CACNA2D3: variants seen among roughly 807,000 people sequenced by gnomAD.
The protein encoded by CACNA2D3 is calcium voltage-gated channel auxiliary subunit alpha2delta 3.
In CACNA2D3, 60 loss-of-function variants were observed where a neutral mutation model predicts 160.6. That is an observed-to-expected ratio of 0.37 (90% CI 0.30 to 0.46). The LOEUF is 0.46. Among genes scored for constraint, CACNA2D3 ranks in the 20% least tolerant of loss-of-function variants. The probability of loss-of-function intolerance (pLI) is 1.00; values close to 1 mark genes in which losing one functional copy is unlikely to be tolerated. For missense variants in CACNA2D3, 1,205 were observed against 1,365.0 expected (o/e 0.88, Z 1.85); for synonymous variants, 558 against 492.9 (o/e 1.13, Z -1.75).
chr3:54,796,959 C>T (rs894794313), intron 13 of CACNA2D3, among the ~76,000 whole-genome samples: 1 of 152,234 alleles, frequency 6.6e-6, no homozygotes, highest in African/African-American at 2.4e-5. Flanking sequence ...ACCCATTCTT[C>T]TGGAGATGCT....
chr3:54,355,044 C>G (rs1216775054), intron 3 of CACNA2D3, among the ~76,000 whole-genome samples: 4 of 152,204 alleles, frequency 2.6e-5, no homozygotes, highest in Admixed American at 2.6e-4. Flanking sequence ...ACTTTATAGT[C>G]ATGGCATGTG....
At chr3:54,530,201 C>G (rs1701785701) in intron 5 of CACNA2D3, among the ~76,000 whole-genome samples, 1 of 152,194 alleles carries the variant, frequency 6.6e-6, no homozygotes. Context: ...TGGGTCCCAT[C>G]CATGCTACCT....
intron 35 of CACNA2D3, among the ~76,000 whole-genome samples, chr3:55,022,794 G>A (rs559761161): frequency 1.3e-5 from 2 of 150,378 alleles, no homozygotes; most frequent in Middle Eastern, 6.8e-3. Context: ...TTCAATTGGT[G>A]AGGATCTCCT....
intron 29 of CACNA2D3, among the ~76,000 whole-genome samples, chr3:54,975,536 A>AC (rs1483203186): frequency 6.7e-6 from 1 of 149,084 alleles, no homozygotes; most frequent in Non-Finnish European, 1.5e-5. Context: ...AAAAAAAAAA[A>AC]AAAAAAAAAA....
intron 35 of CACNA2D3, among the ~76,000 whole-genome samples, chr3:55,031,688 T>C (rs540489107): frequency 2.6e-5 from 4 of 152,152 alleles, no homozygotes; most frequent in African/African-American, 9.7e-5. Context: ...AATTTCCGTA[T>C]GTTGTTCGTG....
At chr3:54,403,440 A>G (rs752057465) in intron 4 of CACNA2D3, among the ~76,000 whole-genome samples, 1 of 152,114 alleles carries the variant, frequency 6.6e-6, no homozygotes, top group African/African-American at 2.4e-5. Flanking sequence ...GGTAGTGAAG[A>G]CATAACATAC....
At chr3:54,255,604 C>T (rs564788309) in intron 2 of CACNA2D3, among the ~76,000 whole-genome samples, 21 of 152,270 alleles carry the variant, frequency 1.4e-4, no homozygotes, top group African/African-American at 5.1e-4. Flanking sequence ...TCAGCTCAGT[C>T]CTTTGCTTGC....
chr3:54,530,049 A>C (rs1166338346), intron 5 of CACNA2D3, among the ~76,000 whole-genome samples: 2 of 152,176 alleles, frequency 1.3e-5, no homozygotes, highest in African/African-American at 2.4e-5. Flanking sequence ...AGCAGCTTGC[A>C]GGAAAGAGCT....
At chr3:54,601,772 T>G (rs1027889036) in intron 9 of CACNA2D3, among the ~76,000 whole-genome samples, 3 of 151,938 alleles carry the variant, frequency 2.0e-5, no homozygotes, top group African/African-American at 7.3e-5. Context: ...GCTTCTGGAG[T>G]CTGATTTAAA....
intron 9 of CACNA2D3, among the ~76,000 whole-genome samples, chr3:54,595,567 A>G (rs575032902): frequency 6.6e-6 from 1 of 152,188 alleles, no homozygotes; most frequent in East Asian, 1.9e-4. Flanking sequence ...TTCAGTGCCC[A>G]TGCCTTTCTT....
chr3:54,757,004 A>G (rs1353480782), intron 12 of CACNA2D3, among the ~76,000 whole-genome samples: 1 of 152,208 alleles, frequency 6.6e-6, no homozygotes, highest in Admixed American at 6.5e-5. Flanking sequence ...TTACCACTGT[A>G]GAATGGCTGG....
At chr3:54,692,219 C>T (rs552351377) in intron 11 of CACNA2D3, among the ~76,000 whole-genome samples, 1 of 152,334 alleles carries the variant, frequency 6.6e-6, no homozygotes, top group African/African-American at 2.4e-5. Context: ...AGTGATCCAC[C>T]TGCCTTGGCC....
At chr3:54,397,526 T>C (rs1352890981) in intron 4 of CACNA2D3, among the ~76,000 whole-genome samples, 1 of 142,444 alleles carries the variant, frequency 7.0e-6, no homozygotes, top group Non-Finnish European at 1.5e-5. Flanking sequence ...GTCTTTGTTC[T>C]CGTTGGTTTC....
chr3:54,807,358 G>GA (rs1364812740), intron 13 of CACNA2D3, among the ~76,000 whole-genome samples: 13 of 151,902 alleles, frequency 8.6e-5, no homozygotes, highest in East Asian at 1.9e-4. Flanking sequence ...AAATTTACAA[G>GA]AAAAAAACAA....
At chr3:54,700,349 G>A (rs1159400930) in intron 11 of CACNA2D3, among the ~76,000 whole-genome samples, 2 of 152,160 alleles carry the variant, frequency 1.3e-5, no homozygotes, top group African/African-American at 4.8e-5. Flanking sequence ...TGACTGAGCT[G>A]CCCAACATGG....
chr3:54,561,641 T>TA (rs1702326886), intron 5 of CACNA2D3, among the ~76,000 whole-genome samples: 1 of 152,194 alleles, frequency 6.6e-6, no homozygotes, highest in African/African-American at 2.4e-5. Flanking sequence ...CTTATTTTTT[T>TA]AAATCACTGC....
intron 11 of CACNA2D3, among the ~76,000 whole-genome samples, chr3:54,717,852 GTGTA>G (rs1346129697): frequency 4.8e-5 from 7 of 145,320 alleles, no homozygotes; most frequent in South Asian, 2.2e-4. Context: ...TGTGTGTGTG[GTGTA>G]TGTGCGTGCG....
At chr3:54,785,453 T>A (rs1575474339) in intron 13 of CACNA2D3, among the ~76,000 whole-genome samples, 2 of 152,214 alleles carry the variant, frequency 1.3e-5, no homozygotes, top group South Asian at 4.1e-4. Context: ...TCATTTTATT[T>A]ATTTTTTTTG....
At chr3:54,131,452 C>G (rs950243199) in intron 2 of CACNA2D3, among the ~76,000 whole-genome samples, 8 of 152,250 alleles carry the variant, frequency 5.3e-5, no homozygotes, top group African/African-American at 1.9e-4. Flanking sequence ...CCAGCATACC[C>G]AGCCATTTCC....
Sources: allele counts gnomAD v4.1 joint callset (sites outside exome capture counted in the v4.1 genomes callset), GRCh38; gene constraint gnomAD v4.1.1; transcripts MANE v1.5; gene names NCBI Gene and HGNC (gene_info 2026-07-23, HGNC 2026-07-21).